ANKRD12: variants seen among roughly 807,000 people sequenced by gnomAD.
ANKRD12 encodes ankyrin repeat domain 12.
Under a neutral mutation model 183.4 loss-of-function variants are expected in ANKRD12, and 85 were observed. The ratio of observed to expected loss-of-function variants is 0.46; its 90% CI spans 0.39 to 0.56. The LOEUF (loss-of-function observed/expected upper bound fraction) is 0.56, where lower values mean the gene tolerates loss of function less well. ANKRD12 is among the 20% of genes least tolerant of loss of function. ANKRD12 has a pLI of 0.00. For missense variants in ANKRD12, 2,405 were observed against 2,357.1 expected (o/e 1.02, Z -0.42); for synonymous variants, 914 against 800.2 (o/e 1.14, Z -2.40).
Position 9,256,862 on chromosome 18 carries a change from C to T in ANKRD12, c.3595C>T (p.Leu1199Phe), listed in dbSNP as rs1327715409. 6.2e-7 allele frequency: 1 copy of T among 1,613,850 alleles called. No homozygotes were observed. The highest frequency in any genetic ancestry group is 8.5e-7 in the Non-Finnish European group (1 of 1,179,954). Residue 1199 changes from leucine (L) to phenylalanine (F), a missense_variant, in exon 9 of 13, where the codon CTC (leucine) becomes TTC (phenylalanine). This residue lies in a region of ANKRD12 where 1,983 missense variants were observed against 1,725.9 expected (regional missense o/e 1.15). Transcript: ENST00000262126. The stretch of plus-strand genomic sequence containing the variant: ...TAGATCAGAAAATGAAAAGCCGGGT[C>T]TCAGCTCCAGATCTGTATCCATGAT... The part of the protein sequence containing the change: ...SPRSENEKPG[L>F]SSRSVSMISV...
chr18:9,217,425 AAAAG>A (rs1166360798), intron 7 of ANKRD12, among the ~76,000 whole-genome samples: 1 of 152,202 alleles, frequency 6.6e-6, no homozygotes, highest in Non-Finnish European at 1.5e-5. Context: ...TCAAAGGAAA[AAAAG>A]ACACTACATG....
Position 9,231,374 on chromosome 18 carries a change from G to A in ANKRD12, c.943+9375G>A, listed in dbSNP as rs555158617. Among the ~76,000 whole-genome samples, 80 of 152,210 alleles carry A rather than the reference G, an allele frequency of 5.3e-4. 1 individual carries two copies. The highest frequency in any genetic ancestry group is 1.8e-3 in the African/African-American group (76 of 41,542). ...AGTCCCCCGTTACTATTGTATTGGA[G>A]TCTTCCTTTGTATCTAGGAGTATTT... On this transcript the variant is annotated intron_variant, in intron 8 of 12. Transcript: ENST00000262126.
intron 8 of ANKRD12, among the ~76,000 whole-genome samples, chr18:9,245,138 AG>A (rs981629185): frequency 1.3e-5 from 2 of 152,162 alleles, no homozygotes; most frequent in African/African-American, 4.8e-5. Context: ...GTTTTTTCTT[AG>A]TAATAATTCT....
At chr18:9,266,316 A>G (rs558228530) in intron 10 of ANKRD12, among the ~76,000 whole-genome samples, 1 of 152,354 alleles carries the variant, frequency 6.6e-6, no homozygotes, top group South Asian at 2.1e-4. Context: ...CATAATTGTC[A>G]GATTCACCAA....
At chr18:9,185,662 G>A (rs2034000095) in intron 2 of ANKRD12, among the ~76,000 whole-genome samples, 1 of 152,088 alleles carries the variant, frequency 6.6e-6, no homozygotes, top group African/African-American at 2.4e-5. Flanking sequence ...TGTACAAAGA[G>A]TGTATAAAGT....
rs530911277 is a variant in ANKRD12, at chr18:9,265,711, C to T, written c.5763+1823C>T. Among the ~76,000 whole-genome samples, 8 of 152,222 alleles carry T rather than the reference C, an allele frequency of 5.3e-5. No individual in the cohort carries two copies. In the East Asian group the frequency reaches 1.2e-3, roughly 22 times the overall value. On this transcript the variant is annotated intron_variant, in intron 10 of 12. Transcript: ENST00000262126. ...AAAAACTGGAAACTAAAAATCAGAG[C>T]GCCTCTCCTCCTCCAAAGGAACGCA...
At chr18:9,169,220 G>A (rs1457474576) in intron 1 of ANKRD12, among the ~76,000 whole-genome samples, 2 of 152,194 alleles carry the variant, frequency 1.3e-5, no homozygotes, top group Admixed American at 1.3e-4. Context: ...TTCTGTAGAT[G>A]TCTATGAGGT....
At chr18:9,216,648 G>C in intron 6 of ANKRD12, 110 bp from the exon 7 acceptor site, 1 of 1,010,108 alleles carries the variant, frequency 9.9e-7, no homozygotes, top group South Asian at 1.9e-5. Context: ...CTTTTTTTTT[G>C]CACGATGTGC....
At chr18:9,254,151 T>TA (rs2038460289) in intron 8 of ANKRD12, 60 bp from the exon 9 acceptor site, 4 of 1,439,124 alleles carry the variant, frequency 2.8e-6, no homozygotes, top group Non-Finnish European at 3.6e-6. Flanking sequence ...AAAAAAAAAT[T>TA]ATTTTTCTGG....
chr18:9,208,706 G>T lies in ANKRD12; in HGVS notation c.354G>T (p.Lys118Asn). ...KKKTKKEAGN[K>N]KSTPVSILFG... ...AGACAAAAAAGGAAGCTGGAAATAA[G>T]AAATCCACACCAGTTAGCATTCTTT... Residue 118 changes from lysine (K) to asparagine (N), a missense_variant, in exon 5 of 13, where the codon AAG (lysine) becomes AAT (asparagine). By Grantham distance (94) the Lys-to-Asn change is moderately conservative (BLOSUM62 0). Transcript: ENST00000262126. 6.2e-7 allele frequency: 1 copy of T among 1,611,228 alleles called. No homozygotes were observed. Among genetic ancestry groups the T allele is most frequent in the East Asian group, 2.2e-5 (1 of 44,772 alleles).
chr18:9,221,302 C>T (rs552890366), intron 7 of ANKRD12, among the ~76,000 whole-genome samples: 18 of 152,238 alleles, frequency 1.2e-4, no homozygotes, highest in African/African-American at 3.6e-4. Flanking sequence ...TTAGATACAG[C>T]ATCCTTCTGT....
Position 9,254,438 on chromosome 18 carries a change from C to T in ANKRD12, c.1171C>T (p.Pro391Ser), listed in dbSNP as rs1265680369. ...LRKEQRKENE[P>S]EAEKTHLFAK... is the part of the protein sequence containing the mutation. ...GAAAGAACAACGAAAAGAAAATGAA[C>T]CTGAAGCAGAAAAAACTCATTTATT... The change falls in exon 9 of 13, where the codon CCT becomes TCT. Residue 391 changes from proline (P) to serine (S), a missense_variant. This residue lies in a region of ANKRD12 where 1,983 missense variants were observed against 1,725.9 expected (regional missense o/e 1.15). Coordinates refer to ENST00000262126, the MANE Select transcript of ANKRD12 (RefSeq NM_015208.5). The T allele has an allele frequency of 3.2e-6, 5 of 1,575,904 alleles. No individual in the cohort carries two copies. The highest frequency in any genetic ancestry group is 4.3e-6 in the Non-Finnish European group (5 of 1,166,474).
chr18:9,257,351 G>T lies in ANKRD12; in HGVS notation c.4084G>T (p.Val1362Leu), dbSNP rs139071340. The T allele has an allele frequency of 5.5e-4, 882 of 1,614,088 alleles. No homozygotes were observed. The highest frequency in any genetic ancestry group is 6.6e-4 in the Non-Finnish European group (781 of 1,179,988). The change falls in exon 9 of 13, where the codon GTA becomes TTA. Residue 1362 changes from valine to leucine, a missense_variant. Coordinates refer to ENST00000262126, the MANE Select transcript of ANKRD12 (RefSeq NM_015208.5). ...SNVPERDLSN[V>L]SNIHSSFATS... ...TGTGCCTGAAAGAGACCTTTCAAAT[G>T]TATCTAACATACATTCCAGTTTTGC...
chr18:9,227,513 A>T (rs1182105881), intron 8 of ANKRD12, among the ~76,000 whole-genome samples: 3 of 152,216 alleles, frequency 2.0e-5, no homozygotes, highest in Non-Finnish European at 1.5e-5. Flanking sequence ...AAGCTATCAA[A>T]GACTAATATA....
chr18:9,177,566 G>C (rs1222042395), intron 1 of ANKRD12, among the ~76,000 whole-genome samples: 1 of 152,136 alleles, frequency 6.6e-6, no homozygotes, highest in Non-Finnish European at 1.5e-5. Flanking sequence ...TGTCAATTCT[G>C]CTTTGGGAAC....
chr18:9,229,253 T>C (rs979676681), intron 8 of ANKRD12, among the ~76,000 whole-genome samples: 4 of 152,228 alleles, frequency 2.6e-5, no homozygotes, highest in Non-Finnish European at 5.9e-5. Flanking sequence ...TTCTATTTGC[T>C]CAGGATTGCT....
intron 2 of ANKRD12, 28 bp downstream of exon 2, chr18:9,182,547 A>T: frequency 1.4e-6 from 2 of 1,437,982 alleles, no homozygotes; most frequent in Non-Finnish European, 1.9e-6. Flanking sequence ...AGATTTGTTG[A>T]CTTTTTGAAC....
chr18:9,169,827 G>A (rs1225126693), intron 1 of ANKRD12, among the ~76,000 whole-genome samples: 1 of 152,100 alleles, frequency 6.6e-6, no homozygotes, highest in Admixed American at 6.6e-5. Context: ...TTACAATTTG[G>A]CATGTTTTTG....
At chr18:9,212,739 G>A (rs1197848994) in intron 6 of ANKRD12, among the ~76,000 whole-genome samples, 1 of 151,552 alleles carries the variant, frequency 6.6e-6, no homozygotes, top group African/African-American at 2.4e-5. Flanking sequence ...ATATAAAAGA[G>A]CCATTTTCCT....
Sources: gnomAD v4.1 joint callset for allele counts (sites outside exome capture counted in the v4.1 genomes callset) on GRCh38, gnomAD v4.1.1 for gene constraint, gnomAD v4.1.1 regional missense constraint, MANE v1.5 for transcripts, NCBI Gene and HGNC (gene_info 2026-07-23, HGNC 2026-07-21) for gene names.